CNTN5: variants seen among roughly 807,000 people sequenced by gnomAD.
CNTN5 encodes contactin-5.
Under a neutral mutation model 129.1 loss-of-function variants are expected in CNTN5, and 77 were observed. The observed-to-expected ratio is 0.60, with a 90% CI of 0.50 to 0.72. The LOEUF is 0.72. Ranked by LOEUF, CNTN5 falls within the 30% of genes least tolerant of loss-of-function variation. The probability of loss-of-function intolerance (pLI) is 0.00; values close to 1 mark genes in which losing one functional copy is unlikely to be tolerated. For synonymous variants in CNTN5, 509 were observed against 465.6 expected (o/e 1.09, Z -1.20); for missense variants, 1,478 against 1,328.8 (o/e 1.11, Z -1.75).
chr11:100,080,150 A>C (rs1944304986), intron 13 of CNTN5, among the ~76,000 whole-genome samples: 1 of 152,172 alleles, frequency 6.6e-6, no homozygotes, highest in Admixed American at 6.6e-5. Context: ...AATTATTGAA[A>C]TTTCAACATA....
chr11:99,945,946 A>T (rs1315699448), intron 7 of CNTN5, among the ~76,000 whole-genome samples: 1 of 152,026 alleles, frequency 6.6e-6, no homozygotes. Flanking sequence ...CAAAGAAGGC[A>T]TAAGTACAAG....
At chr11:99,366,852 A>G (rs1939475658) in intron 2 of CNTN5, among the ~76,000 whole-genome samples, 3 of 152,160 alleles carry the variant, frequency 2.0e-5, no homozygotes. Context: ...ATTTTGCATG[A>G]TAATAGAAAA....
At chr11:100,175,156 A>C (rs1260408393) in intron 13 of CNTN5, among the ~76,000 whole-genome samples, 1 of 152,080 alleles carries the variant, frequency 6.6e-6, no homozygotes, top group African/African-American at 2.4e-5. Flanking sequence ...TCTTATGCAA[A>C]GCTTTCTTTT....
intron 3 of CNTN5, among the ~76,000 whole-genome samples, chr11:99,690,302 A>G (rs61911561): frequency 0.013 from 1,937 of 152,184 alleles, 20 homozygotes; most frequent in Middle Eastern, 0.027. Context: ...CTGTTCTTTC[A>G]CCAGTACCAT....
chr11:99,675,437 C>A (rs1443162724), intron 3 of CNTN5, among the ~76,000 whole-genome samples: 2 of 152,092 alleles, frequency 1.3e-5, no homozygotes, highest in Admixed American at 6.5e-5. Flanking sequence ...AATCCTAGCA[C>A]TTTGGGAGGC....
chr11:100,169,734 C>T (rs573293073), intron 13 of CNTN5, among the ~76,000 whole-genome samples: 10 of 152,086 alleles, frequency 6.6e-5, no homozygotes, highest in Admixed American at 5.2e-4. Flanking sequence ...ACTAAATCCG[C>T]AATAGTTCTA....
chr11:99,295,360 A>G (rs1419681085), intron 1 of CNTN5, among the ~76,000 whole-genome samples: 1 of 152,228 alleles, frequency 6.6e-6, no homozygotes, highest in Non-Finnish European at 1.5e-5. Flanking sequence ...CTGTTTAGCC[A>G]ATTCTATTAT....
chr11:100,302,046 AAAT>A (rs1334361793), intron 20 of CNTN5, among the ~76,000 whole-genome samples: 3 of 151,566 alleles, frequency 2.0e-5, no homozygotes, highest in East Asian at 3.9e-4. Flanking sequence ...TTGTCTCAAA[AAAT>A]AATAATAATA....
At chr11:99,444,256 A>T (rs371710724) in intron 2 of CNTN5, among the ~76,000 whole-genome samples, 1 of 152,106 alleles carries the variant, frequency 6.6e-6, no homozygotes, top group Admixed American at 6.6e-5. Flanking sequence ...ATCATTTGTT[A>T]ATTAACTACC....
intron 2 of CNTN5, among the ~76,000 whole-genome samples, chr11:99,399,700 G>A (rs1213714211): frequency 6.6e-6 from 1 of 151,692 alleles, no homozygotes; most frequent in Non-Finnish European, 1.5e-5. Flanking sequence ...ATACACCAAA[G>A]ATTATTGCTT....
chr11:100,194,988 A>C (rs530986920), intron 15 of CNTN5, among the ~76,000 whole-genome samples: 2 of 152,100 alleles, frequency 1.3e-5, no homozygotes, highest in Admixed American at 6.6e-5. Flanking sequence ...TTTAACTGTT[A>C]ATATCCAAGT....
intron 9 of CNTN5, among the ~76,000 whole-genome samples, chr11:100,011,646 T>C (rs1940539738): frequency 6.6e-6 from 1 of 152,136 alleles, no homozygotes; most frequent in African/African-American, 2.4e-5. Context: ...TTCCTGCTTA[T>C]CTCTCTTTCA....
chr11:99,467,701 C>T (rs72989877), intron 2 of CNTN5, among the ~76,000 whole-genome samples: 5,601 of 152,164 alleles, frequency 0.037, 166 homozygotes, highest in Middle Eastern at 0.065. Flanking sequence ...GGCTCTTGAT[C>T]CTTTCATTTA....
intron 3 of CNTN5, among the ~76,000 whole-genome samples, chr11:99,777,999 C>A (rs908218175): frequency 1.3e-5 from 2 of 151,826 alleles, no homozygotes; most frequent in Non-Finnish European, 2.9e-5. Flanking sequence ...CGTACCCTTA[C>A]ACTAGCTTTA....
chr11:99,269,123 A>G (rs945104647), intron 1 of CNTN5, among the ~76,000 whole-genome samples: 2 of 151,916 alleles, frequency 1.3e-5, no homozygotes, highest in African/African-American at 4.8e-5. Context: ...GTGCCAAAGC[A>G]CCATGATGTT....
At chr11:99,286,737 C>A (rs2135906805) in intron 1 of CNTN5, among the ~76,000 whole-genome samples, 1 of 152,106 alleles carries the variant, frequency 6.6e-6, no homozygotes, top group African/African-American at 2.4e-5. Flanking sequence ...CACAGTACAT[C>A]TGGATTTATA....
At chr11:99,757,613 G>A (rs1373991157) in intron 3 of CNTN5, among the ~76,000 whole-genome samples, 2 of 151,930 alleles carry the variant, frequency 1.3e-5, no homozygotes, top group Admixed American at 1.3e-4. Context: ...TATATCTACA[G>A]AGACCCTATT....
At chr11:99,178,086 CAGGAA>C (rs1857866143) in intron 1 of CNTN5, among the ~76,000 whole-genome samples, 2 of 151,706 alleles carry the variant, frequency 1.3e-5, no homozygotes, top group African/African-American at 4.8e-5. Flanking sequence ...ATGAAGTGAA[CAGGAA>C]AGGAAAGTAA....
At chr11:99,166,965 G>A (rs575274980) in intron 1 of CNTN5, among the ~76,000 whole-genome samples, 18 of 152,114 alleles carry the variant, frequency 1.2e-4, no homozygotes, top group South Asian at 8.3e-4. Flanking sequence ...TTTGTAAAGC[G>A]CAAGTGAATA....
Sources: gnomAD v4.1 joint callset for allele counts (sites outside exome capture counted in the v4.1 genomes callset) on GRCh38, gnomAD v4.1.1 for gene constraint, MANE v1.5 for transcripts, NCBI Gene and HGNC (gene_info 2026-07-23, HGNC 2026-07-21) for gene names.